The following LRRC7 variants were observed in gnomAD, a reference collection of about 807,000 sequenced individuals.
The protein encoded by LRRC7 is leucine rich repeat containing 7, also known as leucine-rich repeat-containing protein 7.
LRRC7 carries 23 observed loss-of-function variants against 175.7 expected under a neutral mutation model. That is an observed-to-expected ratio of 0.13 (90% CI 0.09 to 0.19). The LOEUF (loss-of-function observed/expected upper bound fraction) is 0.19, where lower values mean the gene tolerates loss of function less well. Among genes scored for constraint, LRRC7 ranks in the 10% least tolerant of loss-of-function variants. The pLI, the probability that LRRC7 is intolerant of heterozygous loss-of-function variation, is 1.00. For missense variants in LRRC7, 1,354 were observed against 1,904.7 expected, an observed-to-expected ratio of 0.71 and a Z score of 5.38; for synonymous variants, 685 against 680.9, an observed-to-expected ratio of 1.01 and a Z score of -0.09.
At chr1:69,829,397 C>T (rs1680285205) in intron 5 of LRRC7, among the ~76,000 whole-genome samples, 1 of 151,774 alleles carries the variant, frequency 6.6e-6, no homozygotes, top group Non-Finnish European at 1.5e-5. Context: ...TAATTTGATA[C>T]ATTCATGTAA....
intron 8 of LRRC7, among the ~76,000 whole-genome samples, chr1:69,979,255 C>A (rs1653164841): frequency 6.6e-6 from 1 of 151,934 alleles, no homozygotes; most frequent in Admixed American, 6.6e-5. Context: ...AACAAACAAA[C>A]AAAAAAGGAA....
At chr1:69,818,912 T>G (rs774098442) in intron 4 of LRRC7, among the ~76,000 whole-genome samples, 1 of 152,136 alleles carries the variant, frequency 6.6e-6, no homozygotes, top group Non-Finnish European at 1.5e-5. Context: ...TATCATGATT[T>G]GTATATCTGT....
At chr1:69,755,459 GATA>G (rs1445396367) in intron 2 of LRRC7, among the ~76,000 whole-genome samples, 1 of 149,726 alleles carries the variant, frequency 6.7e-6, no homozygotes, top group Non-Finnish European at 1.5e-5. Context: ...GACATCAGCA[GATA>G]ATAAACTTCA....
intron 11 of LRRC7, among the ~76,000 whole-genome samples, chr1:69,995,740 T>C (rs1016295246): frequency 1.3e-5 from 2 of 152,160 alleles, no homozygotes; most frequent in Admixed American, 1.3e-4. Context: ...AACTCATCAT[T>C]TTTTATGGCT....
intron 22 of LRRC7, among the ~76,000 whole-genome samples, 187 bp downstream of exon 22, chr1:70,044,281 AT>A (rs1660159512): frequency 6.6e-6 from 1 of 152,174 alleles, no homozygotes; most frequent in Admixed American, 6.5e-5. Context: ...AGCTGGACTG[AT>A]TATCAGGTTC....
In LRRC7 at chr1:70,129,156, A is replaced by C. The variant is rs1007947456; in HGVS notation, c.*7269A>C. Among the ~76,000 whole-genome samples the C allele has an allele frequency of 6.6e-6, 1 of 151,818 alleles. No individual in the cohort carries two copies. Among genetic ancestry groups the C allele is most frequent in the South Asian group, 2.1e-4 (1 of 4,816 alleles). On this transcript the variant is annotated 3_prime_UTR_variant, in exon 27 of 27. Coordinates refer to ENST00000651989, the MANE Select transcript of LRRC7 (RefSeq NM_001370785.2). ...TAGTTACTGGGGAGGCTGAGGCAGG[A>C]GAATTGCTTCAACCCAGCAGGCGGA...
chr1:69,811,442 A>G (rs1677852072), intron 4 of LRRC7, among the ~76,000 whole-genome samples: 1 of 152,192 alleles, frequency 6.6e-6, no homozygotes, highest in African/African-American at 2.4e-5. Context: ...AGGATTATAA[A>G]TCATTCTAAT....
chr1:69,578,553 CAAT>C (rs1213669318), intron 1 of LRRC7, among the ~76,000 whole-genome samples: 2 of 149,618 alleles, frequency 1.3e-5, no homozygotes, highest in Non-Finnish European at 3.0e-5. Context: ...AAATGTCCAA[CAAT>C]GATAGACTGG....
chr1:69,618,973 A>G (rs1008797295), intron 1 of LRRC7, among the ~76,000 whole-genome samples: 1 of 152,218 alleles, frequency 6.6e-6, no homozygotes, highest in Admixed American at 6.5e-5. Context: ...ATTTCAAACT[A>G]TCAAATTTAG....
intron 3 of LRRC7, among the ~76,000 whole-genome samples, chr1:69,766,451 T>G (rs2100968423): frequency 6.6e-6 from 1 of 152,306 alleles, no homozygotes; most frequent in African/African-American, 2.4e-5. Flanking sequence ...CTGTTTTGTG[T>G]CTGAAGGGTG....
chr1:69,928,610 C>T (rs905954811), intron 7 of LRRC7, among the ~76,000 whole-genome samples: 1 of 152,220 alleles, frequency 6.6e-6, no homozygotes, highest in Non-Finnish European at 1.5e-5. Flanking sequence ...ACCCTCCGAG[C>T]CATGTGCGGG....
intron 23 of LRRC7, among the ~76,000 whole-genome samples, chr1:70,072,634 A>G (rs889701397): frequency 2.6e-4 from 40 of 151,508 alleles, no homozygotes; most frequent in African/African-American, 9.2e-4. Context: ...GAATGACTTT[A>G]CAGCATGTTC....
chr1:69,844,428 G>A (rs549006635), intron 7 of LRRC7, among the ~76,000 whole-genome samples: 2 of 152,232 alleles, frequency 1.3e-5, no homozygotes, highest in South Asian at 2.1e-4. Flanking sequence ...GATACCTTGT[G>A]TAAGTGGAAC....
intron 1 of LRRC7, among the ~76,000 whole-genome samples, chr1:69,587,048 T>A (rs1646430785): frequency 6.6e-6 from 1 of 152,148 alleles, no homozygotes; most frequent in South Asian, 2.1e-4. Flanking sequence ...TGTTTGCATA[T>A]CTAGATATCT....
rs1186130440 is a variant in LRRC7, at chr1:69,760,219, G to A, written c.129G>A (p.Arg43=). 1.9e-6 allele frequency: 3 copies of A among 1,612,718 alleles called. No homozygotes were observed. Among genetic ancestry groups the A allele is most frequent in the Non-Finnish European group, 2.5e-6 (3 of 1,179,230 alleles). ...AGTGCCTGGAGATGACCACCAAACG[G>A]AAAATCATCGGCCGTCTGGTGCCAT... The part of the protein sequence containing the change: ...ELQCLEMTTK[R]KIIGRLVPCR... Residue 43 remains arginine (R), a synonymous_variant, in exon 3 of 27, where the codon CGG becomes CGA. Transcript: ENST00000651989.
At chr1:69,908,380 G>A (rs1403817637) in intron 7 of LRRC7, among the ~76,000 whole-genome samples, 1 of 151,450 alleles carries the variant, frequency 6.6e-6, no homozygotes, top group Admixed American at 6.6e-5. Flanking sequence ...GATCTTTCCT[G>A]CTTTCTCTTG....
chr1:69,638,709 A>G (rs1359103857), intron 1 of LRRC7, among the ~76,000 whole-genome samples: 1 of 151,732 alleles, frequency 6.6e-6, no homozygotes, highest in East Asian at 1.9e-4. Flanking sequence ...TGTTTTTTGG[A>G]ACCATAGAGA....
intron 7 of LRRC7, among the ~76,000 whole-genome samples, chr1:69,869,182 A>G (rs569958996): frequency 1.2e-4 from 18 of 152,224 alleles, no homozygotes; most frequent in African/African-American, 4.3e-4. Flanking sequence ...GAGATAAATC[A>G]ATAGGTTATT....
At position 69,717,822 on chromosome 1, in the gene LRRC7, GAAAGAAAGAAAGAAAGAAA is replaced by G. The variant is rs1471420622; in HGVS notation, c.100+39357_100+39375del. On this transcript the variant is annotated intron_variant, in intron 2 of 26. Transcript: ENST00000651989. ...AGAAAGAAAGAAAGAAAGAAAGAAA[GAAAGAAAGAAAGAAAGAAA>G]AAAGAAAGAAAGGAAAGAAAGAAAG... is the stretch of plus-strand genomic sequence containing the variant. 5.2e-4 allele frequency among the ~76,000 whole-genome samples: 12 copies of G among 23,102 alleles called. 2 individuals are homozygous for G. Among genetic ancestry groups the G allele is most frequent in the African/African-American group, 3.4e-3 (12 of 3,500 alleles). The allele number at this position is 23,102 out of a possible 152,430, so 15.2% of individuals were successfully genotyped here. A position where few individuals can be genotyped will look rare whatever the true frequency, so the allele number is the denominator to read the frequency against.
Sources: gnomAD v4.1 joint callset for allele counts (sites outside exome capture counted in the v4.1 genomes callset) on GRCh38, gnomAD v4.1.1 for gene constraint, MANE v1.5 for transcripts, NCBI Gene and HGNC (gene_info 2026-07-23, HGNC 2026-07-21) for gene names.